C3orf33: variants seen among roughly 807,000 people sequenced by gnomAD.
C3orf33 encodes the protein AP-1 activity suppressor.
A neutral mutation model predicts 28.7 loss-of-function variants in C3orf33; 23 were observed. The observed-to-expected ratio is 0.80, with a 90% CI of 0.58 to 1.13. The LOEUF (loss-of-function observed/expected upper bound fraction) is 1.13. C3orf33 is among the 50% of genes most tolerant of loss of function. The pLI is 0.00. For synonymous variants in C3orf33, 119 were observed against 120.5 expected (o/e 0.99, Z 0.08); for missense variants, 327 against 353.4 (o/e 0.93, Z 0.60).
intron 2 of C3orf33, among the ~76,000 whole-genome samples, chr3:155,783,512 G>A (rs1030034632): frequency 1.4e-5 from 2 of 145,504 alleles, no homozygotes; most frequent in African/African-American, 5.0e-5. Context: ...TGTTGCCCAG[G>A]CTGGAGTGCA....
intron 3 of C3orf33, among the ~76,000 whole-genome samples, chr3:155,772,482 T>C (rs1358915637): frequency 1.3e-5 from 2 of 152,062 alleles, no homozygotes; most frequent in Non-Finnish European, 2.9e-5. Context: ...ACTCTAGATC[T>C]ACAAAATACT....
At chr3:155,794,991 T>C (rs1194128124) in intron 2 of C3orf33, among the ~76,000 whole-genome samples, 1 of 152,126 alleles carries the variant, frequency 6.6e-6, no homozygotes. Context: ...ACTTTCATCT[T>C]CCAGATAGAA....
intron 2 of C3orf33, among the ~76,000 whole-genome samples, chr3:155,781,892 C>T (rs376357881): frequency 1.2e-4 from 18 of 150,716 alleles, no homozygotes; most frequent in African/African-American, 2.7e-4. Flanking sequence ...CTGGCTAACA[C>T]GGTGAAACCC....
chr3:155,762,861 C>G lies in C3orf33; in HGVS notation c.*656G>C, dbSNP rs749113737. On this transcript the variant is annotated 3_prime_UTR_variant, in exon 5 of 5. Coordinates refer to ENST00000340171, the MANE Select transcript of C3orf33 (RefSeq NM_001308229.2). ...TCCTGCCTGGGTGACAAGAGCGAAA[C>G]TCCATGTCAAAACAAAAAAAGCCGG... The G allele has an allele frequency of 1.3e-5, 2 of 151,840 alleles. No individual in the cohort carries two copies. Among genetic ancestry groups the G allele is most frequent in the African/African-American group, 4.8e-5 (2 of 41,318 alleles). The allele number at this position is 151,840 out of a possible 1,614,324, so 9.4% of individuals were successfully genotyped here. A position where few individuals can be genotyped will look rare whatever the true frequency, so the allele number is the denominator to read the frequency against.
intron 2 of C3orf33, among the ~76,000 whole-genome samples, chr3:155,795,034 CG>C (rs1751436205): frequency 6.6e-6 from 1 of 152,140 alleles, no homozygotes; most frequent in Non-Finnish European, 1.5e-5. Context: ...TTAATCTGCA[CG>C]ATAGACCAAA....
intron 2 of C3orf33, among the ~76,000 whole-genome samples, chr3:155,800,788 A>G (rs1003174793): frequency 2.0e-5 from 3 of 152,088 alleles, no homozygotes; most frequent in Admixed American, 1.3e-4. Context: ...AGATATTTAC[A>G]CAAAAGCATA....
chr3:155,775,488 CAAA>C (rs34514421), intron 3 of C3orf33, among the ~76,000 whole-genome samples: 7 of 122,290 alleles, frequency 5.7e-5, no homozygotes, highest in Admixed American at 8.2e-5. Context: ...AACTCTGTCT[CAAA>C]AAAAAAAAAA....
chr3:155,784,239 C>CT (rs904698606), intron 2 of C3orf33, among the ~76,000 whole-genome samples: 4 of 152,014 alleles, frequency 2.6e-5, no homozygotes, highest in African/African-American at 4.8e-5. Context: ...CTAGTTTATG[C>CT]TTTTTTTATA....
At chr3:155,778,253 GA>G (rs1284768112) in intron 2 of C3orf33, among the ~76,000 whole-genome samples, 2 of 151,696 alleles carry the variant, frequency 1.3e-5, no homozygotes, top group Non-Finnish European at 2.9e-5. Context: ...GTTGGATTGG[GA>G]AAAAAACAAT....
rs142791432 is a variant in C3orf33 at position 155,769,423 on chromosome 3, A to G, written c.323-1754T>C. 4.6e-3 allele frequency among the ~76,000 whole-genome samples: 690 copies of G among 151,152 alleles called. 9 individuals are homozygous for G. Among genetic ancestry groups the G allele is most frequent in the African/African-American group, 0.016 (643 of 41,100 alleles). On this transcript the variant is annotated intron_variant, in intron 3 of 4. Coordinates refer to ENST00000340171, the MANE Select transcript of C3orf33 (RefSeq NM_001308229.2). ...GAATCACTTCAATCTAGGAGGCAGAAGCTGAAGTGAGCCAAGATCGCACCA... is the reference window on the plus strand; with the variant it reads ...GAATCACTTCAATCTAGGAGGCAGAGGCTGAAGTGAGCCAAGATCGCACCA...
Position 155,763,736 on chromosome 3 carries a change from T to A in C3orf33, c.666A>T (p.Lys222Asn). The change falls in exon 5 of 5, where the codon AAA (lysine) becomes AAT (asparagine). Residue 222 changes from lysine to asparagine, a missense_variant. Physicochemically the swap from Lys to Asn is moderately conservative, Grantham distance 94 (BLOSUM62 0). Transcript: ENST00000340171. Reference sequence around the variant, plus strand: ...CTTTGAATTTTTCTAAGTAACTTTCTTTTTCAGAGTCTTCCTTCCATATTC... The same window carrying A: ...CTTTGAATTTTTCTAAGTAACTTTCATTTTCAGAGTCTTCCTTCCATATTC... ...GEGIWKEDSE[K>N]ESYLEKFKDS... 1 of 1,595,086 alleles carries A rather than the reference T, an allele frequency of 6.3e-7. No individual in the cohort carries two copies. The highest frequency in any genetic ancestry group is 8.5e-7 in the Non-Finnish European group (1 of 1,175,204).
chr3:155,774,772 T>G (rs1750691553), intron 3 of C3orf33, among the ~76,000 whole-genome samples: 1 of 151,588 alleles, frequency 6.6e-6, no homozygotes, highest in South Asian at 2.1e-4. Flanking sequence ...AGCCAAAAGA[T>G]TGGATACCCC....
intron 2 of C3orf33, among the ~76,000 whole-genome samples, chr3:155,795,046 T>A (rs1751436476): frequency 6.6e-6 from 1 of 152,174 alleles, no homozygotes; most frequent in Admixed American, 6.5e-5. Flanking sequence ...ATAGACCAAA[T>A]GGACGTAGGA....
intron 3 of C3orf33, among the ~76,000 whole-genome samples, chr3:155,767,940 C>T (rs571767841): frequency 8.7e-4 from 132 of 151,954 alleles, no homozygotes; most frequent in Non-Finnish European, 1.7e-3. Flanking sequence ...AGTACAGTGG[C>T]GCAATCTCAG....
intron 2 of C3orf33, among the ~76,000 whole-genome samples, chr3:155,788,386 A>G (rs375648021): frequency 1.8e-4 from 27 of 152,012 alleles, no homozygotes; most frequent in African/African-American, 6.5e-4. Context: ...AAGGTCACAT[A>G]TGAAAAAACC....
chr3:155,795,682 G>A (rs1751454962), intron 2 of C3orf33, among the ~76,000 whole-genome samples: 1 of 152,042 alleles, frequency 6.6e-6, no homozygotes, highest in Non-Finnish European at 1.5e-5. Flanking sequence ...AAGGCTGGGA[G>A]CGGTGGCTTA....
intron 2 of C3orf33, among the ~76,000 whole-genome samples, chr3:155,785,206 A>T (rs1301896552): frequency 1.3e-5 from 2 of 152,160 alleles, no homozygotes; most frequent in Non-Finnish European, 2.9e-5. Context: ...TGTACCAAAT[A>T]ACAGACCAGC....
At chr3:155,788,979 A>G (rs1367314105) in intron 2 of C3orf33, among the ~76,000 whole-genome samples, 1 of 152,258 alleles carries the variant, frequency 6.6e-6, no homozygotes, top group Non-Finnish European at 1.5e-5. Context: ...AAGTAAAAGA[A>G]TACAAAGTTA....
rs1428663310 is a variant in C3orf33 at position 155,795,954 on chromosome 3, T to TA, written c.174+6577dup. On this transcript the variant is annotated intron_variant, in intron 2 of 4. Coordinates refer to ENST00000340171, the MANE Select transcript of C3orf33 (RefSeq NM_001308229.2). ...CTGGGCAACAAAGCAAGACTCCATC[T>TA]AAAAAAATAATAATAATAATAATGA... Among the ~76,000 whole-genome samples the TA allele has an allele frequency of 3.3e-5, 5 of 151,546 alleles. No individual in the cohort carries two copies. In the East Asian group the frequency reaches 5.8e-4, roughly 18 times the overall value.
Sources: gnomAD v4.1 joint callset for allele counts (sites outside exome capture counted in the v4.1 genomes callset) on GRCh38, gnomAD v4.1.1 for gene constraint, MANE v1.5 for transcripts, NCBI Gene and HGNC (gene_info 2026-07-23, HGNC 2026-07-21) for gene names.